The following SUPT5H variants were observed in gnomAD, a reference collection of about 807,000 sequenced individuals.
SUPT5H encodes SPT5 homolog, DSIF elongation factor subunit.
SUPT5H carries 24 observed loss-of-function variants against 142.5 expected under a neutral mutation model. That is an observed-to-expected ratio of 0.17 (90% confidence interval 0.12 to 0.24). SUPT5H has a LOEUF of 0.24. SUPT5H is among the 10% of genes least tolerant of loss of function. SUPT5H has a pLI of 1.00. For missense variants in SUPT5H, 893 were observed against 1,471.8 expected (o/e 0.61, Z 6.43); for synonymous variants, 546 against 553.0 (o/e 0.99, Z 0.18).
chr19:39,474,702 T>A lies in SUPT5H; in HGVS notation c.3008T>A (p.Val1003Asp). Residue 1003 changes from valine to aspartate, a missense_variant, in exon 28 of 30, where the codon GTC becomes GAC. Physicochemically the swap from Val to Asp is radical, Grantham distance 152. This residue lies in a region of SUPT5H where 336 missense variants were observed against 546.5 expected (regional missense o/e 0.61). Coordinates refer to ENST00000432763, the MANE Select transcript of SUPT5H (RefSeq NM_001111020.3). This position sits in a 1 kb window ranked among gnomAD's most constrained non-coding sequence, Gnocchi z 6.5. Reference sequence around the variant, plus strand: ...ACACAGGTGGTGGGACAGACAGGTGTCATCCGCAGTGTCACGGTACGTGGG... The same window carrying A: ...ACACAGGTGGTGGGACAGACAGGTGACATCCGCAGTGTCACGGTACGTGGG... ...LDTQVVGQTGVIRSVTGGMCS... is the reference protein window; with the variant it reads ...LDTQVVGQTGDIRSVTGGMCS... 3 of 1,612,696 alleles carry A rather than the reference T, an allele frequency of 1.9e-6. No individual in the cohort carries two copies. Among genetic ancestry groups the A allele is most frequent in the Non-Finnish European group, 2.5e-6 (3 of 1,179,408 alleles).
rs1450042893 is a variant in SUPT5H at position 39,466,158 on chromosome 19, G to T, written c.877-322G>T. 2.0e-5 allele frequency among the ~76,000 whole-genome samples: 3 copies of T among 152,186 alleles called. No individual in the cohort carries two copies. The highest frequency in any genetic ancestry group is 2.9e-5 in the Non-Finnish European group (2 of 68,026). On this transcript the variant is annotated intron_variant, in intron 11 of 29. Coordinates refer to ENST00000432763, the MANE Select transcript of SUPT5H (RefSeq NM_001111020.3). This position sits in a 1 kb window ranked among gnomAD's most constrained non-coding sequence, Gnocchi z 4.3. ...AAGAGAAACAAAGGAGTCAAGAGTGGCTCCCAGGTTGTGTGCCTGAGCAGA... is the reference window on the plus strand; with the variant it reads ...AAGAGAAACAAAGGAGTCAAGAGTGTCTCCCAGGTTGTGTGCCTGAGCAGA...
rs911000347 is a variant in SUPT5H at position 39,466,672 on chromosome 19, T to C, written c.967-3T>C. ...TTCCCACCCATGCCCCTTTCCTCCA[T>C]AGAAAGACTGGTTTGCCAAAAGGAA... is the stretch of plus-strand genomic sequence containing the variant. On this transcript the variant is annotated splice_region_variant and splice_polypyrimidine_tract_variant and intron_variant, in intron 12 of 29. Transcript: ENST00000432763. This position sits in a 1 kb window ranked among gnomAD's most constrained non-coding sequence, Gnocchi z 4.3. The C allele has an allele frequency of 1.9e-6, 3 of 1,611,586 alleles. No individual in the cohort carries two copies. The highest frequency in any genetic ancestry group is 1.3e-5 in the African/African-American group (1 of 74,846).
intron 3 of SUPT5H, 101 bp downstream of exon 3, chr19:39,453,622 A>C (rs536281419): frequency 5.8e-4 from 785 of 1,363,604 alleles, no homozygotes; most frequent in Non-Finnish European, 7.3e-4. Flanking sequence ...TCTGTCGCCC[A>C]GGCTGGAGTG....
At chr19:39,451,169 AT>A (rs2079016957) in intron 2 of SUPT5H, among the ~76,000 whole-genome samples, 1 of 142,786 alleles carries the variant, frequency 7.0e-6, no homozygotes, top group Non-Finnish European at 1.5e-5. Context: ...TCCAGTGAAC[AT>A]TTACTTTGAG....
Position 39,445,829 on chromosome 19 carries a change from G to T in SUPT5H, c.-62G>T. 6.3e-7 allele frequency: 1 copy of T among 1,582,184 alleles called. No individual in the cohort carries two copies. Among genetic ancestry groups the T allele is most frequent in the Non-Finnish European group, 8.6e-7 (1 of 1,160,632 alleles). ...GGAACCAGCGGGGAAACTGAGGCTC[G>T]GGGTGGAGCGCAGGATTGTGGGACG... On this transcript the variant is annotated 5_prime_UTR_variant, in exon 2 of 30. Transcript: ENST00000432763.
Position 39,474,163 on chromosome 19 carries a change from C to G in SUPT5H, c.2651+42C>G. 1 of 1,609,670 alleles carries G rather than the reference C, an allele frequency of 6.2e-7. No individual in the cohort carries two copies. The highest frequency in any genetic ancestry group is 8.5e-7 in the Non-Finnish European group (1 of 1,177,682). ...CTGCCCTCGTCTACCCCTGCCCAAA[C>G]CCTCCTACTGCCACCACCTCTTTTC... is the stretch of plus-strand genomic sequence containing the variant. On this transcript the variant is annotated intron_variant, in intron 26 of 29. Transcript: ENST00000432763. This position sits in a 1 kb window ranked among gnomAD's most constrained non-coding sequence, Gnocchi z 6.5.
rs1041370601 is a variant in SUPT5H at position 39,458,853 on chromosome 19, C to T, written c.355C>T (p.Arg119Cys). 6.2e-7 allele frequency: 1 copy of T among 1,613,490 alleles called. No homozygotes were observed. Among genetic ancestry groups the T allele is most frequent in the Non-Finnish European group, 8.5e-7 (1 of 1,179,656 alleles). The change falls in exon 6 of 30, where the codon CGT becomes TGT. Residue 119 changes from arginine (R) to cysteine (C), a missense_variant. Physicochemically the swap from Arg to Cys is radical, Grantham distance 180 (BLOSUM62 -3). Around this residue, in one of 6 missense-constraint regions of SUPT5H, gnomAD observed 428 missense variants for 763.5 expected, o/e 0.56. Transcript: ENST00000432763. This position sits in a 1 kb window ranked among gnomAD's most constrained non-coding sequence, Gnocchi z 4.2. ...CGATAATGTTGTCCTGGATGAAGATCGTTCTGGGGCTCGCCGCCTGCAAAA... is the reference window on the plus strand; with the variant it reads ...CGATAATGTTGTCCTGGATGAAGATTGTTCTGGGGCTCGCCGCCTGCAAAA... The part of the protein sequence containing the change: ...NIDNVVLDED[R>C]SGARRLQNLW...
In SUPT5H at chr19:39,459,930, C is replaced by T. The variant is rs2079139827; in HGVS notation, c.594C>T (p.Arg198=). The part of the protein sequence containing the change: ...EERATAISLM[R]KFIAYQFTDT... ...GGGCCACGGCCATTTCCTTGATGCG[C>T]AAGTTCATTGCCTACCAGTTCACAG... Residue 198 remains arginine (R), a synonymous_variant, in exon 10 of 30, where the codon CGC becomes CGT. Transcript: ENST00000432763. 6.2e-7 allele frequency: 1 copy of T among 1,614,016 alleles called. No homozygotes were observed. The highest frequency in any genetic ancestry group is 1.7e-5 in the Admixed American group (1 of 59,988).
chr19:39,471,796 C>T (rs878867588), intron 20 of SUPT5H, 66 bp downstream of exon 20: 3 of 1,550,018 alleles, frequency 1.9e-6, no homozygotes, highest in South Asian at 1.2e-5. Context: ...CCTCCTCTGG[C>T]CCCAGAAGTG....
chr19:39,446,663 G>A (rs2078957947), intron 2 of SUPT5H, among the ~76,000 whole-genome samples: 1 of 152,204 alleles, frequency 6.6e-6, no homozygotes, highest in Admixed American at 6.5e-5. Flanking sequence ...CCAGAAGTTT[G>A]AGAGCAATCT....
chr19:39,447,967 T>G (rs933149990), intron 2 of SUPT5H, among the ~76,000 whole-genome samples: 7 of 152,164 alleles, frequency 4.6e-5, no homozygotes, highest in African/African-American at 1.7e-4. Flanking sequence ...TGAGGGAGAT[T>G]TAACATAAAG....
intron 2 of SUPT5H, among the ~76,000 whole-genome samples, chr19:39,451,316 G>A (rs914454143): frequency 1.3e-5 from 2 of 148,884 alleles, no homozygotes; most frequent in Admixed American, 6.7e-5. Context: ...AGCCTCCCAA[G>A]TAGTTGGGAC....
Position 39,469,864 on chromosome 19 carries a change from G to T in SUPT5H, c.1375-255G>T. The T allele has an allele frequency of 1.7e-5, 9 of 514,640 alleles. No homozygotes were observed. Among genetic ancestry groups the T allele is most frequent in the Non-Finnish European group, 3.1e-5 (9 of 286,778 alleles). The allele number at this position is 514,640 out of a possible 1,614,324, so 31.9% of individuals were successfully genotyped here. The stretch of plus-strand genomic sequence containing the variant: ...TGTCTGAGGGGCAGGCTCTCTGTGT[G>T]GGTATAGGTAGGCATCGTGTGTCTT... On this transcript the variant is annotated intron_variant, in intron 16 of 29. Coordinates refer to ENST00000432763, the MANE Select transcript of SUPT5H (RefSeq NM_001111020.3). The surrounding 1 kb of genome is among the most constrained non-coding windows in gnomAD (Gnocchi z 5.1).
chr19:39,460,712 C>CA (rs34142494), intron 10 of SUPT5H, among the ~76,000 whole-genome samples: 92 of 151,548 alleles, frequency 6.1e-4, no homozygotes, highest in African/African-American at 1.9e-3. Context: ...TCCAGTGTGA[C>CA]AAAAAAAAGG....
At chr19:39,455,912 C>T (rs1407486731) in intron 3 of SUPT5H, among the ~76,000 whole-genome samples, 6 of 139,410 alleles carry the variant, frequency 4.3e-5, no homozygotes, top group Non-Finnish European at 7.6e-5. Context: ...TGAACCACTG[C>T]GCCCCGCCTC....
rs965319521 is a variant in SUPT5H at position 39,452,481 on chromosome 19, A to G, written c.76-875A>G. The stretch of plus-strand genomic sequence containing the variant: ...AGCTGGTGGAGTTTTGAGAAAAACC[A>G]GGAGAGCATGATACGGCAGAAGCCA... On this transcript the variant is annotated intron_variant, in intron 2 of 29. Coordinates refer to ENST00000432763, the MANE Select transcript of SUPT5H (RefSeq NM_001111020.3). Among the ~76,000 whole-genome samples the G allele has an allele frequency of 2.6e-5, 4 of 152,304 alleles. No homozygotes were observed. In the South Asian group the frequency reaches 6.2e-4, roughly 24 times the overall value.
chr19:39,470,922 C>A lies in SUPT5H; in HGVS notation c.1677+399C>A, dbSNP rs1296335176. 6.6e-6 allele frequency among the ~76,000 whole-genome samples: 1 copy of A among 152,056 alleles called. No homozygotes were observed. Among genetic ancestry groups the A allele is most frequent in the Non-Finnish European group, 1.5e-5 (1 of 67,996 alleles). ...ACATCCACATCTTGGCTTTGTTGCTCCTGTGCTGTCTGACCCTGGGCTAGT... is the reference window on the plus strand; with the variant it reads ...ACATCCACATCTTGGCTTTGTTGCTACTGTGCTGTCTGACCCTGGGCTAGT... On this transcript the variant is annotated intron_variant, in intron 18 of 29. Transcript: ENST00000432763. This position sits in a 1 kb window ranked among gnomAD's most constrained non-coding sequence, Gnocchi z 5.8.
chr19:39,469,335 G>A lies in SUPT5H; in HGVS notation c.1311G>A (p.Gln437=). ...GTGAGGGTGAGCTCATCAACCTGCA[G>A]GGCAAGATCCTCAGCGTGGATGGCA... ...EVCEGELINL[Q]GKILSVDGNK... Residue 437 remains glutamine, a synonymous_variant, in exon 16 of 30, where the codon CAG becomes CAA. Transcript: ENST00000432763. The surrounding 1 kb of genome is among the most constrained non-coding windows in gnomAD (Gnocchi z 5.1). 6.2e-7 allele frequency: 1 copy of A among 1,614,220 alleles called. No individual in the cohort carries two copies. Among genetic ancestry groups the A allele is most frequent in the Non-Finnish European group, 8.5e-7 (1 of 1,180,038 alleles).
chr19:39,451,166 A>G (rs1485724550), intron 2 of SUPT5H, among the ~76,000 whole-genome samples: 1 of 150,820 alleles, frequency 6.6e-6, no homozygotes, highest in East Asian at 1.9e-4. Context: ...TGCTCCAGTG[A>G]ACATTTACTT....
Sources: gnomAD v4.1 joint callset for allele counts (sites outside exome capture counted in the v4.1 genomes callset) on GRCh38, gnomAD v4.1.1 for gene constraint, gnomAD v4.1.1 regional missense constraint, Gnocchi (gnomAD v3.1) non-coding constraint, MANE v1.5 for transcripts, NCBI Gene and HGNC (gene_info 2026-07-23, HGNC 2026-07-21) for gene names.